Variants in SLCO5A1 observed in about 807,000 individuals in gnomAD.
SLCO5A1 encodes the protein organic anion transporter polypeptide-related protein 4.
Under a neutral mutation model 65.1 loss-of-function variants are expected in SLCO5A1, and 39 were observed. The observed-to-expected ratio is 0.60, with a 90% confidence interval of 0.46 to 0.78. The LOEUF (loss-of-function observed/expected upper bound fraction) is 0.78, where lower values mean the gene tolerates loss of function less well. Ranked by LOEUF, SLCO5A1 falls within the 30% of genes least tolerant of loss-of-function variation. The pLI, the probability that SLCO5A1 is intolerant of heterozygous loss-of-function variation, is 0.00. For synonymous variants in SLCO5A1, 438 were observed against 415.7 expected (o/e 1.05, Z -0.65); for missense variants, 1,029 against 1,069.4 (o/e 0.96, Z 0.53).
chr8:69,707,873 C>T (rs1815046446), intron 5 of SLCO5A1, among the ~76,000 whole-genome samples: 1 of 152,074 alleles, frequency 6.6e-6, no homozygotes, highest in African/African-American at 2.4e-5. Context: ...AGCTCAATGG[C>T]CCCCATTGTA....
At chr8:69,708,133 T>A (rs191235113) in intron 5 of SLCO5A1, among the ~76,000 whole-genome samples, 1 of 152,102 alleles carries the variant, frequency 6.6e-6, no homozygotes, top group East Asian at 1.9e-4. Context: ...AAGTTGAAAA[T>A]GAACAGCCAC....
At chr8:69,706,702 A>C (rs1391941922) in intron 5 of SLCO5A1, among the ~76,000 whole-genome samples, 2 of 152,236 alleles carry the variant, frequency 1.3e-5, no homozygotes, top group Admixed American at 1.3e-4. Context: ...AACTGTGAGA[A>C]ATAAATTTCT....
intron 8 of SLCO5A1, among the ~76,000 whole-genome samples, chr8:69,678,610 T>TA (rs1813640530): frequency 6.6e-6 from 1 of 152,066 alleles, no homozygotes; most frequent in South Asian, 2.1e-4. Flanking sequence ...GTTACAGAAA[T>TA]AAAAACCCTC....
chr8:69,724,291 A>C (rs1421624358), intron 5 of SLCO5A1, among the ~76,000 whole-genome samples: 1 of 152,228 alleles, frequency 6.6e-6, no homozygotes, highest in Non-Finnish European at 1.5e-5. Context: ...ACTGAATAAT[A>C]ATATCACTGA....
intron 5 of SLCO5A1, among the ~76,000 whole-genome samples, chr8:69,710,447 T>C (rs769760388): frequency 3.5e-4 from 54 of 152,138 alleles, no homozygotes; most frequent in Non-Finnish European, 6.5e-4. Context: ...AGCTGGGCCC[T>C]AATTATCACA....
At chr8:69,754,873 T>C (rs942247576) in intron 4 of SLCO5A1, among the ~76,000 whole-genome samples, 8 of 152,172 alleles carry the variant, frequency 5.3e-5, no homozygotes, top group South Asian at 4.1e-4. Context: ...TGGGGCCACA[T>C]GCAAGCATTT....
At chr8:69,806,182 C>T (rs983518487) in intron 2 of SLCO5A1, among the ~76,000 whole-genome samples, 2 of 152,168 alleles carry the variant, frequency 1.3e-5, no homozygotes. Context: ...ATATCAGAAT[C>T]GTGAACTAAC....
chr8:69,762,156 TTC>T (rs1817814057), intron 2 of SLCO5A1, among the ~76,000 whole-genome samples: 1 of 131,134 alleles, frequency 7.6e-6, no homozygotes, highest in Non-Finnish European at 1.6e-5. Flanking sequence ...CTTTCTTTCT[TTC>T]TTTCTTTCTT....
chr8:69,709,622 G>A (rs111791044), intron 5 of SLCO5A1, among the ~76,000 whole-genome samples: 4,300 of 152,256 alleles, frequency 0.028, 217 homozygotes, highest in African/African-American at 0.097. Flanking sequence ...ATATTTCATT[G>A]CAGACGTTTT....
chr8:69,806,924 A>G (rs1333644629), intron 2 of SLCO5A1, among the ~76,000 whole-genome samples: 1 of 152,228 alleles, frequency 6.6e-6, no homozygotes, highest in Non-Finnish European at 1.5e-5. Flanking sequence ...TGCCCAAGCA[A>G]TTTACAGATT....
rs188232592 is a variant in SLCO5A1 at position 69,720,313 on chromosome 8, C to A, written c.1424-15084G>T. Among the ~76,000 whole-genome samples the A allele has an allele frequency of 8.8e-4, 134 of 152,348 alleles. 1 individual carries two copies. The highest frequency in any genetic ancestry group is 3.9e-4 in the East Asian group (2 of 5,190). On this transcript the variant is annotated intron_variant, in intron 5 of 9. Coordinates refer to ENST00000260126, the MANE Select transcript of SLCO5A1 (RefSeq NM_030958.3). Reference sequence around the variant, plus strand: ...GCGAATGTAATGTACCTCCCACTGACAACCACGGGCTTCTTTAATGGCGTG... The same window carrying A: ...GCGAATGTAATGTACCTCCCACTGAAAACCACGGGCTTCTTTAATGGCGTG...
intron 2 of SLCO5A1, among the ~76,000 whole-genome samples, chr8:69,790,261 T>C (rs1053702585): frequency 1.6e-4 from 24 of 151,022 alleles, no homozygotes; most frequent in African/African-American, 5.6e-4. Context: ...CTTGAAGGGA[T>C]GTATACCCCA....
At chr8:69,703,506 CG>C (rs1814840236) in intron 6 of SLCO5A1, among the ~76,000 whole-genome samples, 2 of 152,042 alleles carry the variant, frequency 1.3e-5, no homozygotes, top group Non-Finnish European at 2.9e-5. Flanking sequence ...CATAGTGAGA[CG>C]ATGTCTATAA....
intron 9 of SLCO5A1, among the ~76,000 whole-genome samples, chr8:69,674,242 CACGCCTTTTATTCT>C (rs1437365705): frequency 6.6e-6 from 1 of 152,092 alleles, no homozygotes; most frequent in Non-Finnish European, 1.5e-5. Flanking sequence ...AGGCAGGGGC[CACGCCTTTTATTCT>C]TTGCATCCCA....
At chr8:69,679,737 CAA>C in intron 7 of SLCO5A1, 118 bp from the exon 8 acceptor site, 2 of 1,371,644 alleles carry the variant, frequency 1.5e-6, no homozygotes, top group South Asian at 2.8e-5. Context: ...TTTTCAAACA[CAA>C]AATATTTCAT....
intron 6 of SLCO5A1, among the ~76,000 whole-genome samples, chr8:69,688,340 T>C (rs986382245): frequency 6.6e-6 from 1 of 152,104 alleles, no homozygotes; most frequent in Non-Finnish European, 1.5e-5. Context: ...AAATTTTTTT[T>C]TTATTATTAT....
At chr8:69,771,419 T>G (rs1818316307) in intron 2 of SLCO5A1, among the ~76,000 whole-genome samples, 1 of 152,244 alleles carries the variant, frequency 6.6e-6, no homozygotes, top group South Asian at 2.1e-4. Flanking sequence ...GTTTGCCTAC[T>G]TTTTTAGTGC....
intron 5 of SLCO5A1, among the ~76,000 whole-genome samples, 191 bp from the exon 6 acceptor site, chr8:69,705,420 C>T (rs1395564281): frequency 6.6e-6 from 1 of 152,116 alleles, no homozygotes; most frequent in Non-Finnish European, 1.5e-5. Flanking sequence ...GACTCACATC[C>T]AGATTTCAAT....
intron 5 of SLCO5A1, among the ~76,000 whole-genome samples, chr8:69,711,489 A>G (rs1224185232): frequency 6.6e-6 from 1 of 152,172 alleles, no homozygotes; most frequent in East Asian, 1.9e-4. Flanking sequence ...GGACACTTCC[A>G]TATGTTCGGT....
Sources: gnomAD v4.1 joint callset for allele counts (sites outside exome capture counted in the v4.1 genomes callset) on GRCh38, gnomAD v4.1.1 for gene constraint, MANE v1.5 for transcripts, NCBI Gene and HGNC (gene_info 2026-07-23, HGNC 2026-07-21) for gene names.